The following SLITRK6 variants were observed in gnomAD, a reference collection of about 807,000 sequenced individuals.
SLITRK6 encodes the protein SLIT and NTRK-like protein 6.
A neutral mutation model predicts 55.6 loss-of-function variants in SLITRK6; 35 were observed. The ratio of observed to expected loss-of-function variants is 0.63; its 90% confidence interval spans 0.48 to 0.83. The LOEUF is 0.83. SLITRK6 is among the 40% of genes least tolerant of loss of function. The pLI, the probability that SLITRK6 is intolerant of heterozygous loss-of-function variation, is 0.00. For synonymous variants in SLITRK6, 392 were observed against 359.6 expected (o/e 1.09, Z -1.02); for missense variants, 977 against 986.4 (o/e 0.99, Z 0.13).
At position 85,794,679 on chromosome 13, in the gene SLITRK6, TAGAAC is replaced by T; in HGVS notation, c.1825_1829del (p.Val609AsnfsTer36). ...TGAACATAATCAGAAGTCCCAATATTAGAACAGACAGTGGCACAGCGTCCGTAAGA... is the reference window on the plus strand; with the variant it reads ...TGAACATAATCAGAAGTCCCAATATTAGACAGTGGCACAGCGTCCGTAAGA... On this transcript the variant is annotated frameshift_variant, in exon 2 of 2. Transcript: ENST00000647374. LOFTEE classifies it high-confidence loss of function. 6.2e-7 allele frequency: 1 copy of T among 1,613,184 alleles called. No individual in the cohort carries two copies. Among genetic ancestry groups the T allele is most frequent in the Non-Finnish European group, 8.5e-7 (1 of 1,179,510 alleles).
In SLITRK6 at chr13:85,793,825, G is replaced by T; in HGVS notation, c.*158C>A. The T allele has an allele frequency of 1.3e-6, 1 of 753,808 alleles. No individual in the cohort carries two copies. The highest frequency in any genetic ancestry group is 2.0e-6 in the Non-Finnish European group (1 of 508,672). The allele number at this position is 753,808 out of a possible 1,614,324, so 46.7% of individuals were successfully genotyped here. On this transcript the variant is annotated 3_prime_UTR_variant, in exon 2 of 2. Transcript: ENST00000647374. The stretch of plus-strand genomic sequence containing the variant: ...AGATAATGCCATGGCTTCTCCCAGT[G>T]ATCCCTGAGTTTCTTTTTCTTCTTC...
Position 85,795,487 on chromosome 13 carries a change from G to C in SLITRK6, c.1022C>G (p.Ser341Ter), listed in dbSNP as rs1402251387. 1 of 1,612,998 alleles carries C rather than the reference G, an allele frequency of 6.2e-7. No homozygotes were observed. The highest frequency in any genetic ancestry group is 1.1e-5 in the South Asian group (1 of 91,062). The change falls in exon 2 of 2, where the codon TCA becomes TGA. Residue 341 changes from serine (S) to a stop codon, truncating the protein, a stop_gained. Coordinates refer to ENST00000647374, the MANE Select transcript of SLITRK6 (RefSeq NM_032229.3). LOFTEE classifies it high-confidence loss of function. Reference sequence around the variant, plus strand: ...CTCCTGACAATGTATTAGAAGTCCTGATGGGGATAGGACTTTGCAGTTACA... The same window carrying C: ...CTCCTGACAATGTATTAGAAGTCCTCATGGGGATAGGACTTTGCAGTTACA... ...IPCNCKVLSP[S>*]GLLIHCQERN...
rs530021866 is a variant in SLITRK6 at position 85,794,646 on chromosome 13, A to G, written c.1863T>C (p.Ile621=). 1.5e-5 allele frequency: 25 copies of G among 1,613,336 alleles called. No individual in the cohort carries two copies. In the South Asian group the frequency reaches 2.5e-4, roughly 16 times the overall value. The change falls in exon 2 of 2, where the codon ATT becomes ATC. Residue 621 remains isoleucine, a synonymous_variant. Coordinates refer to ENST00000647374, the MANE Select transcript of SLITRK6 (RefSeq NM_032229.3). The part of the protein sequence containing the change: ...ILGLLIMFIT[I]VFCAAGIVVL... ...CCACTATCCCTGCAGCACAGAAAAC[A>G]ATAGTGATGAACATAATCAGAAGTC... is the stretch of plus-strand genomic sequence containing the variant.
intron 1 of SLITRK6, among the ~76,000 whole-genome samples, chr13:85,798,658 A>G (rs1874792481): frequency 6.6e-6 from 1 of 152,042 alleles, no homozygotes; most frequent in Admixed American, 6.6e-5. Context: ...TTAGTTTCTA[A>G]CAACAAACTG....
intron 1 of SLITRK6, among the ~76,000 whole-genome samples, chr13:85,798,050 T>G (rs1354479771): frequency 6.6e-6 from 1 of 151,914 alleles, no homozygotes; most frequent in Non-Finnish European, 1.5e-5. Flanking sequence ...AGTGTTTTAT[T>G]GAAAACACAT....
rs1241449355 is a variant in SLITRK6 at position 85,796,285 on chromosome 13, C to G, written c.224G>C (p.Gly75Ala). Reference sequence around the variant, plus strand: ...GTCATTTGTGTGAAGCATCGTCAAGCCGTTATTTAATAAGCTTAGTTGGAA... The same window carrying G: ...GTCATTTGTGTGAAGCATCGTCAAGGCGTTATTTAATAAGCTTAGTTGGAA... ...RPFQLSLLNN[G>A]LTMLHTNDFS... The change falls in exon 2 of 2, where the codon GGC (glycine) becomes GCC (alanine). Residue 75 changes from glycine to alanine, a missense_variant. Physicochemically the swap from Gly to Ala is moderately conservative, Grantham distance 60. Coordinates refer to ENST00000647374, the MANE Select transcript of SLITRK6 (RefSeq NM_032229.3). 1 of 1,611,748 alleles carries G rather than the reference C, an allele frequency of 6.2e-7. No homozygotes were observed. Among genetic ancestry groups the G allele is most frequent in the Admixed American group, 1.7e-5 (1 of 59,748 alleles).
rs765386924 is a variant in SLITRK6 at position 85,795,348 on chromosome 13, G to C, written c.1161C>G (p.Phe387Leu). Reference protein sequence around the residue: ...SLMKSDLVEYFTLEMLHLGNN... With the variant: ...SLMKSDLVEYLTLEMLHLGNN... ...TTCCCAAGTGAAGCATTTCCAAAGT[G>C]AAATATTCCACTAGATCAGACTTCA... Residue 387 changes from phenylalanine (F) to leucine (L), a missense_variant, in exon 2 of 2, where the codon TTC (phenylalanine) becomes TTG (leucine). By Grantham distance (22) the Phe-to-Leu change is conservative. Transcript: ENST00000647374. 1.2e-6 allele frequency: 2 copies of C among 1,612,702 alleles called. No individual in the cohort carries two copies. Among genetic ancestry groups the C allele is most frequent in the Non-Finnish European group, 1.7e-6 (2 of 1,179,338 alleles).
intron 1 of SLITRK6, among the ~76,000 whole-genome samples, chr13:85,797,605 A>T (rs1008067810): frequency 6.6e-6 from 1 of 151,842 alleles, no homozygotes; most frequent in Non-Finnish European, 1.5e-5. Context: ...TAAAGTCGCA[A>T]ACAATGAAAT....
chr13:85,796,014 T>C lies in SLITRK6; in HGVS notation c.495A>G (p.Leu165=). 1 of 1,613,186 alleles carries C rather than the reference T, an allele frequency of 6.2e-7. No individual in the cohort carries two copies. The highest frequency in any genetic ancestry group is 1.1e-5 in the South Asian group (1 of 91,060). The change falls in exon 2 of 2, where the codon TTA becomes TTG. Residue 165 remains leucine, a synonymous_variant. Coordinates refer to ENST00000647374, the MANE Select transcript of SLITRK6 (RefSeq NM_032229.3). ...TCTCAATAGCATTGTCATTTAAAAT[T>C]AACACTTTGAGTCTGTTGAGCTTGC... ...AFSKLNRLKV[L]ILNDNAIESL... is the part of the protein sequence containing the mutation.
At position 85,794,690 on chromosome 13, in the gene SLITRK6, G is replaced by A. The variant is rs1239319135; in HGVS notation, c.1819C>T (p.Leu607=). 3 of 1,613,322 alleles carry A rather than the reference G, an allele frequency of 1.9e-6. No individual in the cohort carries two copies. Among genetic ancestry groups the A allele is most frequent in the Admixed American group, 1.7e-5 (1 of 59,874 alleles). Reference sequence around the variant, plus strand: ...AGAAGTCCCAATATTAGAACAGACAGTGGCACAGCGTCCGTAAGAGATCGT... The same window carrying A: ...AGAAGTCCCAATATTAGAACAGACAATGGCACAGCGTCCGTAAGAGATCGT... ...ILRSLTDAVP[L]SVLILGLLIM... The change falls in exon 2 of 2, where the codon CTG becomes TTG. Residue 607 remains leucine (L), a synonymous_variant. Transcript: ENST00000647374.
intron 1 of SLITRK6, among the ~76,000 whole-genome samples, chr13:85,797,577 A>T (rs1874764423): frequency 6.6e-6 from 1 of 151,816 alleles, no homozygotes; most frequent in Non-Finnish European, 1.5e-5. Flanking sequence ...AGCAGCTTTA[A>T]GCCTTTATTA....
chr13:85,794,388 A>G lies in SLITRK6; in HGVS notation c.2121T>C (p.Asn707=), dbSNP rs542669828. 1 of 1,612,936 alleles carries G rather than the reference A, an allele frequency of 6.2e-7. No individual in the cohort carries two copies. The highest frequency in any genetic ancestry group is 8.5e-7 in the Non-Finnish European group (1 of 1,179,446). ...GTTTTGCATCACTTCCTTCTTTCTC[A>G]TTCCTCTCTTCTTCCTCTTCCAGAT... The part of the protein sequence containing the change: ...PKHLEEEEER[N]EKEGSDAKHL... Residue 707 remains asparagine (N), a synonymous_variant, in exon 2 of 2, where the codon AAT becomes AAC. Coordinates refer to ENST00000647374, the MANE Select transcript of SLITRK6 (RefSeq NM_032229.3).
chr13:85,796,675 C>A, intron 1 of SLITRK6, 143 bp from the exon 2 acceptor site: 54 of 522,400 alleles, frequency 1.0e-4, no homozygotes, highest in Non-Finnish European at 1.4e-4. Flanking sequence ...GCTGCATTTA[C>A]ATCATTTGTT....
At position 85,794,462 on chromosome 13, in the gene SLITRK6, C is replaced by T. The variant is rs573214425; in HGVS notation, c.2047G>A (p.Val683Met). 7 of 1,613,180 alleles carry T rather than the reference C, an allele frequency of 4.3e-6. No individual in the cohort carries two copies. Among genetic ancestry groups the T allele is most frequent in the Non-Finnish European group, 5.9e-6 (7 of 1,179,544 alleles). The change falls in exon 2 of 2, where the codon GTG becomes ATG. Residue 683 changes from valine (V) to methionine (M), a missense_variant. Transcript: ENST00000647374. Reference sequence around the variant, plus strand: ...CTATAGACATGAACCATGGGGCTCACCATGTGCTGTTCATAGAGTGAGGCA... The same window carrying T: ...CTATAGACATGAACCATGGGGCTCATCATGTGCTGTTCATAGAGTGAGGCA... Reference protein sequence around the residue: ...PSASLYEQHMVSPMVHVYRSP... With the variant: ...PSASLYEQHMMSPMVHVYRSP...
Position 85,795,977 on chromosome 13 carries a change from T to C in SLITRK6, c.532A>G (p.Asn178Asp). Reference sequence around the variant, plus strand: ...GTTAAAGGAACAAATCGGAAGATGTTTGGAGGAAGACTCTCAATAGCATTG... The same window carrying C: ...GTTAAAGGAACAAATCGGAAGATGTCTGGAGGAAGACTCTCAATAGCATTG... ...NDNAIESLPP[N>D]IFRFVPLTHL... Residue 178 changes from asparagine to aspartate, a missense_variant, in exon 2 of 2, where the codon AAC becomes GAC. Coordinates refer to ENST00000647374, the MANE Select transcript of SLITRK6 (RefSeq NM_032229.3). The C allele has an allele frequency of 6.2e-7, 1 of 1,613,028 alleles. No individual in the cohort carries two copies.
At position 85,796,637 on chromosome 13, in the gene SLITRK6, C is replaced by T. The variant is rs750741422; in HGVS notation, c.-24-105G>A. 1.9e-5 allele frequency: 17 copies of T among 899,118 alleles called. No individual in the cohort carries two copies. The South Asian group carries it at 2.1e-4, about 11-fold the overall frequency. The allele number at this position is 899,118 out of a possible 1,614,324, so 55.7% of individuals were successfully genotyped here. A position where few individuals can be genotyped will look rare whatever the true frequency, so the allele number is the denominator to read the frequency against. Reference sequence around the variant, plus strand: ...AGGTTTTTCTCCAAAAAGCAAATGACGGATTACCATGAAAATATGGGTACC... The same window carrying T: ...AGGTTTTTCTCCAAAAAGCAAATGATGGATTACCATGAAAATATGGGTACC... On this transcript the variant is annotated intron_variant, in intron 1 of 1. Coordinates refer to ENST00000647374, the MANE Select transcript of SLITRK6 (RefSeq NM_032229.3).
intron 1 of SLITRK6, among the ~76,000 whole-genome samples, chr13:85,798,527 G>A (rs35784516): frequency 0.013 from 1,938 of 152,036 alleles, 17 homozygotes; most frequent in Admixed American, 0.023. Context: ...CTGAGAATAC[G>A]TATTTTCAAA....
rs982181808 is a variant in SLITRK6, at chr13:85,793,227, T to G, written c.*756A>C. The G allele has an allele frequency of 1.3e-5, 2 of 151,836 alleles. No individual in the cohort carries two copies. Among genetic ancestry groups the G allele is most frequent in the Non-Finnish European group, 2.9e-5 (2 of 67,838 alleles). 9.4% of individuals were successfully genotyped at this position (151,836 alleles called of 1,614,324 possible). A position where few individuals can be genotyped will look rare whatever the true frequency, so the allele number is the denominator to read the frequency against. On this transcript the variant is annotated 3_prime_UTR_variant, in exon 2 of 2. Coordinates refer to ENST00000647374, the MANE Select transcript of SLITRK6 (RefSeq NM_032229.3). ...TATCCCAAGAAGAAGAATTAAACTTTGAGCATAAATGACATACTTTAGTTC... is the reference window on the plus strand; with the variant it reads ...TATCCCAAGAAGAAGAATTAAACTTGGAGCATAAATGACATACTTTAGTTC...
chr13:85,793,832 G>A lies in SLITRK6; in HGVS notation c.*151C>T. On this transcript the variant is annotated 3_prime_UTR_variant, in exon 2 of 2. Transcript: ENST00000647374. ...GCCATGGCTTCTCCCAGTGATCCCT[G>A]AGTTTCTTTTTCTTCTTCTTTTTTT... 3.6e-6 allele frequency: 3 copies of A among 825,890 alleles called. No homozygotes were observed. Among genetic ancestry groups the A allele is most frequent in the Non-Finnish European group, 5.2e-6 (3 of 573,974 alleles). The allele number at this position is 825,890 out of a possible 1,614,324, so 51.2% of individuals were successfully genotyped here. A position where few individuals can be genotyped will look rare whatever the true frequency, so the allele number is the denominator to read the frequency against.
Sources: gnomAD v4.1 joint callset for allele counts (sites outside exome capture counted in the v4.1 genomes callset) on GRCh38, gnomAD v4.1.1 for gene constraint, MANE v1.5 for transcripts, NCBI Gene and HGNC (gene_info 2026-07-23, HGNC 2026-07-21) for gene names.